Variants in PDE8B observed in about 807,000 individuals in gnomAD.
PDE8B encodes the protein high affinity cAMP-specific and IBMX-insensitive 3',5'-cyclic phosphodiesterase 8B.
A neutral mutation model predicts 101.3 loss-of-function variants in PDE8B; 26 were observed. That is an observed-to-expected ratio of 0.26 (90% CI 0.19 to 0.36). The LOEUF (loss-of-function observed/expected upper bound fraction) is 0.36, where lower values mean the gene tolerates loss of function less well. PDE8B is among the 10% of genes least tolerant of loss of function. The pLI is 1.00. For synonymous variants in PDE8B, 424 were observed against 429.3 expected (o/e 0.99, Z 0.15); for missense variants, 810 against 1,163.1 (o/e 0.70, Z 4.42).
chr5:77,243,001 A>G (rs1257189614), intron 1 of PDE8B, among the ~76,000 whole-genome samples: 4 of 152,212 alleles, frequency 2.6e-5, no homozygotes, highest in Non-Finnish European at 5.9e-5. Context: ...ACATTCTAAG[A>G]AATACCAAAG....
chr5:77,097,914 C>T, the PDE8B span, among the ~76,000 whole-genome samples: 25 of 150,330 alleles, frequency 1.7e-4, no homozygotes, highest in East Asian at 2.2e-3. Flanking sequence ...TGAATGATCC[C>T]GTACCGGAAT....
At chr5:77,376,752 C>T (rs748993639) in intron 10 of PDE8B, among the ~76,000 whole-genome samples, 1 of 152,198 alleles carries the variant, frequency 6.6e-6, no homozygotes, top group Non-Finnish European at 1.5e-5. Flanking sequence ...GTCCCCTCGC[C>T]TCTGCACTAG....
rs199886295 is a variant in PDE8B at position 77,401,677 on chromosome 5, TC to T, written c.1210+1388del. On this transcript the variant is annotated intron_variant, in intron 11 of 21. Coordinates refer to ENST00000264917, the MANE Select transcript of PDE8B (RefSeq NM_003719.5). Reference sequence around the variant, plus strand: ...CAGTAAGTGGAGCTATTTTTTTTTTTCAATTGGTGGCACATATTCCTTTTTG... The same window carrying T: ...CAGTAAGTGGAGCTATTTTTTTTTTTAATTGGTGGCACATATTCCTTTTTG... Among the ~76,000 whole-genome samples, 712 of 152,290 alleles carry T rather than the reference TC, an allele frequency of 4.7e-3. 4 individuals carry two copies. The highest frequency in any genetic ancestry group is 0.016 in the African/African-American group (681 of 41,564).
At chr5:77,326,320 T>G (rs1776055345) in intron 3 of PDE8B, among the ~76,000 whole-genome samples, 1 of 152,228 alleles carries the variant, frequency 6.6e-6, no homozygotes, top group South Asian at 2.1e-4. Flanking sequence ...GAGTTAGCTC[T>G]GGATGAACTG....
At chr5:77,328,904 A>C in intron 3 of PDE8B, 94 bp from the exon 4 acceptor site, 1 of 922,688 alleles carries the variant, frequency 1.1e-6, no homozygotes, top group South Asian at 1.3e-5. Context: ...GAAAGATTTG[A>C]TGTTGTATCA....
At chr5:77,225,126 A>G (rs1752054141) in intron 1 of PDE8B, among the ~76,000 whole-genome samples, 1 of 152,186 alleles carries the variant, frequency 6.6e-6, no homozygotes, top group African/African-American at 2.4e-5. Flanking sequence ...TTCTTTCTAC[A>G]GTGCTTCTGG....
At chr5:77,321,244 C>T (rs1031300676) in intron 2 of PDE8B, among the ~76,000 whole-genome samples, 1 of 148,596 alleles carries the variant, frequency 6.7e-6, no homozygotes, top group Non-Finnish European at 1.5e-5. Context: ...CTCTGCCTCT[C>T]GGGTTCAAGC....
chr5:77,418,385 G>A lies in PDE8B; in HGVS notation c.2068G>A (p.Ala690Thr). ...TGCTGTTCTGGAGAGTCACCACACC[G>A]CCCTGGCCTTCCAGCTCACGGTCAA... is the stretch of plus-strand genomic sequence containing the variant. ...DTAVLESHHT[A>T]LAFQLTVKDT... The change falls in exon 18 of 22, where the codon GCC becomes ACC. Residue 690 changes from alanine to threonine, a missense_variant. Ala to Thr is a moderately conservative substitution (Grantham distance 58). Around this residue, in one of 4 missense-constraint regions of PDE8B, gnomAD observed 325 missense variants for 560.9 expected, o/e 0.58. Coordinates refer to ENST00000264917, the MANE Select transcript of PDE8B (RefSeq NM_003719.5). The A allele has an allele frequency of 1.9e-6, 3 of 1,614,082 alleles. No homozygotes were observed. Among genetic ancestry groups the A allele is most frequent in the East Asian group, 2.2e-5 (1 of 44,874 alleles).
At chr5:77,173,508 T>G in the PDE8B span, among the ~76,000 whole-genome samples, 1 of 152,096 alleles carries the variant, frequency 6.6e-6, no homozygotes, top group Non-Finnish European at 1.5e-5. Context: ...AACTTGAGGA[T>G]TATGACTGGT....
At chr5:77,193,621 C>CT in the PDE8B span, among the ~76,000 whole-genome samples, 579 of 152,118 alleles carry the variant, frequency 3.8e-3, 3 homozygotes, top group African/African-American at 0.013. Flanking sequence ...CTTCTTTGTT[C>CT]TTTTTCAAAA....
chr5:77,097,513 A>G, the PDE8B span, among the ~76,000 whole-genome samples: 3 of 150,780 alleles, frequency 2.0e-5, no homozygotes, highest in Non-Finnish European at 4.4e-5. Flanking sequence ...TTGAAGACTC[A>G]TGTATCCTAG....
At chr5:77,117,721 G>A in the PDE8B span, among the ~76,000 whole-genome samples, 1 of 152,170 alleles carries the variant, frequency 6.6e-6, no homozygotes, top group Non-Finnish European at 1.5e-5. Flanking sequence ...GCCAGAGGCA[G>A]GAAGTAAGAA....
chr5:77,297,674 C>T (rs569826305), intron 1 of PDE8B, among the ~76,000 whole-genome samples: 1 of 152,312 alleles, frequency 6.6e-6, no homozygotes, highest in Admixed American at 6.5e-5. Flanking sequence ...CCTAGCAAAG[C>T]CCAGGCTTCT....
intron 7 of PDE8B, among the ~76,000 whole-genome samples, chr5:77,345,977 T>C (rs551474542): frequency 2.6e-5 from 4 of 152,296 alleles, no homozygotes; most frequent in African/African-American, 9.6e-5. Context: ...CATCAGCACT[T>C]TCATTAGGTT....
Position 77,329,064 on chromosome 5 carries a change from G to A in PDE8B, c.650+7G>A. On this transcript the variant is annotated splice_region_variant and intron_variant, in intron 4 of 21. Transcript: ENST00000264917. ...TCGCAGTGGTTTCGCGAGTGTAAGT[G>A]CACCTCCCATTCCCAGATGGAAGGA... The A allele has an allele frequency of 6.2e-7, 1 of 1,607,110 alleles. No individual in the cohort carries two copies. The highest frequency in any genetic ancestry group is 8.5e-7 in the Non-Finnish European group (1 of 1,173,616).
At chr5:77,174,133 T>C in the PDE8B span, among the ~76,000 whole-genome samples, 7 of 152,188 alleles carry the variant, frequency 4.6e-5, no homozygotes, top group African/African-American at 7.2e-5. Context: ...ACCTATATAT[T>C]GATGCTGCAT....
intron 10 of PDE8B, among the ~76,000 whole-genome samples, chr5:77,393,393 C>CA (rs55783030): frequency 6.6e-4 from 92 of 138,840 alleles, no homozygotes; most frequent in Non-Finnish European, 9.5e-4. Context: ...AGACTGTCTC[C>CA]AAAAAAAAAA....
intron 1 of PDE8B, chr5:77,291,672 G>T: frequency 6.3e-7 from 1 of 1,596,410 alleles, no homozygotes. Context: ...AGGTGCCTTT[G>T]GAGGAGAAAA....
rs191219063 is a variant in PDE8B, at chr5:77,373,410, A to G, written c.1167+20004A>G. On this transcript the variant is annotated intron_variant, in intron 10 of 21. Transcript: ENST00000264917. ...TGAGCTTTGTTGTATGTACACACCC[A>G]TGAAGCCATCACCACAATCAAGATA... Among the ~76,000 whole-genome samples the G allele has an allele frequency of 1.1e-3, 172 of 152,340 alleles. 1 individual carries two copies. Among genetic ancestry groups the G allele is most frequent in the African/African-American group, 3.9e-3 (162 of 41,576 alleles).
Sources: allele counts gnomAD v4.1 joint callset (sites outside exome capture counted in the v4.1 genomes callset), GRCh38; gene constraint gnomAD v4.1.1; regional missense constraint gnomAD v4.1.1; transcripts MANE v1.5; gene names NCBI Gene and HGNC (gene_info 2026-07-23, HGNC 2026-07-21).